Variants in COL23A1 observed in about 807,000 individuals in gnomAD.
The protein encoded by COL23A1 is collagen type XXIII alpha 1 chain.
In COL23A1, 97 loss-of-function variants were observed where a neutral mutation model predicts 99.3. That is an observed-to-expected ratio of 0.98 (90% CI 0.83 to 1.16). COL23A1 has a LOEUF of 1.16. Among genes scored for constraint, COL23A1 ranks in the 50% most tolerant of loss-of-function variants. The pLI, the probability that COL23A1 is intolerant of heterozygous loss-of-function variation, is 0.00. For missense variants in COL23A1, 762 were observed against 757.4 expected, an observed-to-expected ratio of 1.01 and a Z score of -0.07; for synonymous variants, 320 against 308.2, an observed-to-expected ratio of 1.04 and a Z score of -0.40.
intron 2 of COL23A1, among the ~76,000 whole-genome samples, chr5:178,349,682 A>G (rs1340138012): frequency 2.6e-5 from 4 of 151,758 alleles, no homozygotes; most frequent in African/African-American, 9.7e-5. Flanking sequence ...AAGAAGATGG[A>G]CTCCACACCA....
intron 6 of COL23A1, among the ~76,000 whole-genome samples, chr5:178,270,086 A>G (rs1756200479): frequency 6.6e-6 from 1 of 152,158 alleles, no homozygotes; most frequent in Non-Finnish European, 1.5e-5. Flanking sequence ...CACCCCTCCT[A>G]TGAGAGAGGG....
chr5:178,374,622 A>G (rs1762971488), intron 2 of COL23A1, among the ~76,000 whole-genome samples: 1 of 152,216 alleles, frequency 6.6e-6, no homozygotes, highest in African/African-American at 2.4e-5. Flanking sequence ...AGATGAGTGA[A>G]GGTGTTGTCA....
At chr5:178,381,357 C>T (rs2910122) in intron 2 of COL23A1, among the ~76,000 whole-genome samples, 1,585 of 152,264 alleles carry the variant, frequency 0.01, 20 homozygotes, top group African/African-American at 0.035. Context: ...CCAGCAAGTA[C>T]GATGGCCATG....
At chr5:178,455,829 G>T (rs1767759138) in intron 2 of COL23A1, among the ~76,000 whole-genome samples, 1 of 152,098 alleles carries the variant, frequency 6.6e-6, no homozygotes, top group Admixed American at 6.5e-5. Context: ...CGCCCATCAG[G>T]AGGAAGCCAG....
At chr5:178,370,139 G>A (rs1036034870) in intron 2 of COL23A1, among the ~76,000 whole-genome samples, 1 of 152,204 alleles carries the variant, frequency 6.6e-6, no homozygotes, top group Non-Finnish European at 1.5e-5. Context: ...TGTCACTTAT[G>A]CATGACCCTC....
At chr5:178,246,134 T>C in intron 24 of COL23A1, 120 bp downstream of exon 24, 1 of 1,342,280 alleles carries the variant, frequency 7.5e-7, no homozygotes, top group Non-Finnish European at 1.1e-6. Flanking sequence ...CCACAGAGCC[T>C]GAACTCTGGC....
intron 2 of COL23A1, among the ~76,000 whole-genome samples, chr5:178,542,597 G>C (rs1761350774): frequency 6.6e-6 from 1 of 152,058 alleles, no homozygotes; most frequent in African/African-American, 2.4e-5. Context: ...ATCGGAAAGG[G>C]TGAAAACTAC....
intron 2 of COL23A1, among the ~76,000 whole-genome samples, chr5:178,385,297 T>C (rs1581277059): frequency 1.3e-5 from 2 of 152,266 alleles, no homozygotes; most frequent in Middle Eastern, 6.8e-3. Context: ...CCCCCAGGTC[T>C]CAGTGAGCTG....
At chr5:178,540,123 A>C (rs1761207249) in intron 2 of COL23A1, among the ~76,000 whole-genome samples, 1 of 152,238 alleles carries the variant, frequency 6.6e-6, no homozygotes, top group African/African-American at 2.4e-5. Context: ...TGAAACCAGG[A>C]TGCCTGCTAT....
rs373405437 is a variant in COL23A1, at chr5:178,552,864, C to T, written c.361+7818G>A. 1.0e-3 allele frequency among the ~76,000 whole-genome samples: 159 copies of T among 152,138 alleles called. 1 individual carries two copies. The East Asian group carries it at 0.021, about 20-fold the overall frequency. On this transcript the variant is annotated intron_variant, in intron 2 of 28. Coordinates refer to ENST00000390654, the MANE Select transcript of COL23A1 (RefSeq NM_173465.4). ...GAGTAGCTGGGACTACAGGCGCGTG[C>T]CACCACACCTGGCTAATTTTTGTAT...
intron 2 of COL23A1, among the ~76,000 whole-genome samples, chr5:178,338,960 C>T (rs1760506076): frequency 6.6e-6 from 1 of 152,188 alleles, no homozygotes; most frequent in Admixed American, 6.5e-5. Context: ...GGCTTGGAAA[C>T]AGAAGCTCAG....
At chr5:178,433,164 C>A (rs1766355784) in intron 2 of COL23A1, among the ~76,000 whole-genome samples, 2 of 151,792 alleles carry the variant, frequency 1.3e-5, no homozygotes, top group Admixed American at 6.6e-5. Context: ...AAGGCCCAGT[C>A]CCCCAAGACT....
intron 2 of COL23A1, among the ~76,000 whole-genome samples, chr5:178,360,489 C>G (rs956059926): frequency 7.9e-5 from 12 of 152,170 alleles, no homozygotes; most frequent in Non-Finnish European, 1.6e-4. Context: ...GGATGGAGGG[C>G]TGCAGTCGTG....
chr5:178,448,147 G>A (rs901695100), intron 2 of COL23A1, among the ~76,000 whole-genome samples: 2 of 150,694 alleles, frequency 1.3e-5, no homozygotes, highest in African/African-American at 2.4e-5. Context: ...GTCGCAGTCC[G>A]TTTTGTTCTG....
At chr5:178,564,281 A>C (rs1762742723) in intron 1 of COL23A1, among the ~76,000 whole-genome samples, 1 of 152,148 alleles carries the variant, frequency 6.6e-6, no homozygotes, top group South Asian at 2.1e-4. Flanking sequence ...GTGAATCTGT[A>C]AAGTTTTCTC....
At chr5:178,496,574 T>C (rs1469769464) in intron 2 of COL23A1, among the ~76,000 whole-genome samples, 2 of 152,222 alleles carry the variant, frequency 1.3e-5, no homozygotes, top group African/African-American at 4.8e-5. Context: ...CTTTAACTTA[T>C]TTTACTTATA....
intron 2 of COL23A1, among the ~76,000 whole-genome samples, chr5:178,543,168 C>G (rs1041874875): frequency 6.6e-6 from 1 of 150,844 alleles, no homozygotes; most frequent in Non-Finnish European, 1.5e-5. Flanking sequence ...AGTGCAATGG[C>G]GCGATCTCGG....
At chr5:178,401,748 C>A (rs986954161) in intron 2 of COL23A1, among the ~76,000 whole-genome samples, 2 of 152,212 alleles carry the variant, frequency 1.3e-5, no homozygotes, top group Admixed American at 6.6e-5. Context: ...ATTTGACATC[C>A]CCCTAGCAGT....
At chr5:178,241,345 T>G in intron 27 of COL23A1, among the ~76,000 whole-genome samples, 1 of 150,314 alleles carries the variant, frequency 6.7e-6, no homozygotes, top group Admixed American at 6.6e-5. Context: ...ACAGGAAGGG[T>G]GTGGGGGTAG....
Sources: allele counts gnomAD v4.1 joint callset (sites outside exome capture counted in the v4.1 genomes callset), GRCh38; gene constraint gnomAD v4.1.1; transcripts MANE v1.5; gene names NCBI Gene and HGNC (gene_info 2026-07-23, HGNC 2026-07-21).